Variants in ADARB2 observed in about 807,000 individuals in gnomAD.
ADARB2 encodes adenosine deaminase RNA specific B2 (inactive).
ADARB2 carries 25 observed loss-of-function variants against 62.2 expected under a neutral mutation model. That is an observed-to-expected ratio of 0.40 (90% confidence interval 0.29 to 0.56). The LOEUF is 0.56. ADARB2 is among the 20% of genes least tolerant of loss of function. The pLI is 0.43. For missense variants in ADARB2, 1,071 were observed against 1,077.4 expected, an observed-to-expected ratio of 0.99 and a Z score of 0.08; for synonymous variants, 572 against 500.8, an observed-to-expected ratio of 1.14 and a Z score of -1.90.
intron 1 of ADARB2, among the ~76,000 whole-genome samples, chr10:1,590,930 C>A (rs112892409): frequency 6.6e-6 from 1 of 152,186 alleles, no homozygotes; most frequent in African/African-American, 2.4e-5. Flanking sequence ...GGGAACTGAC[C>A]ACCTGAGGCC....
chr10:1,592,317 T>TCACCCAAGCCACGCTCCATAGGTCTCCTC (rs1833268310), intron 1 of ADARB2, among the ~76,000 whole-genome samples: 1 of 150,688 alleles, frequency 6.6e-6, no homozygotes. Flanking sequence ...GTCACCCAGC[T>TCACCCAAGCCACGCTCCATAGGTCTCCTC]TCCCTCGCCC....
At chr10:1,211,319 A>ATCTG (rs964561354) in intron 7 of ADARB2, among the ~76,000 whole-genome samples, 12 of 151,556 alleles carry the variant, frequency 7.9e-5, no homozygotes, top group East Asian at 3.9e-4. Context: ...ATCTTCATCT[A>ATCTG]TCTGTCATTT....
intron 1 of ADARB2, among the ~76,000 whole-genome samples, chr10:1,428,258 C>A (rs1057064064): frequency 1.3e-5 from 2 of 151,124 alleles, no homozygotes; most frequent in Admixed American, 6.6e-5. Flanking sequence ...TAGGAGTGAG[C>A]CACCACACCT....
At position 1,267,136 on chromosome 10, in the gene ADARB2, T is replaced by TAAAAA. The variant is rs551410020; in HGVS notation, c.1192+3814_1192+3818dup. Among the ~76,000 whole-genome samples the TAAAAA allele has an allele frequency of 5.4e-5, 7 of 129,534 alleles. No homozygotes were observed. In the South Asian group the frequency reaches 1.7e-3, roughly 32 times the overall value. 85.0% of individuals were successfully genotyped at this position (129,534 alleles called of 152,430 possible). A position where few individuals can be genotyped will look rare whatever the true frequency, so the allele number is the denominator to read the frequency against. ...CCTAAACATATTCTTAAATCCAAGT[T>TAAAAA]AAAAAAAAAAAAAAAACCTTTCCCC... On this transcript the variant is annotated intron_variant, in intron 4 of 9. Coordinates refer to ENST00000381312, the MANE Select transcript of ADARB2 (RefSeq NM_018702.4).
intron 1 of ADARB2, among the ~76,000 whole-genome samples, chr10:1,448,729 C>A (rs563767492): frequency 5.9e-5 from 9 of 152,258 alleles, no homozygotes; most frequent in African/African-American, 2.2e-4. Context: ...GAACTCTGTG[C>A]CTTATATGGC....
At chr10:1,672,555 T>A (rs374861251) in intron 1 of ADARB2, among the ~76,000 whole-genome samples, 1 of 151,718 alleles carries the variant, frequency 6.6e-6, no homozygotes, top group Non-Finnish European at 1.5e-5. Flanking sequence ...CTCGCGCAGC[T>A]CCTGCCTCCC....
intron 1 of ADARB2, among the ~76,000 whole-genome samples, chr10:1,617,261 A>G (rs1345834009): frequency 0.034 from 2,553 of 75,348 alleles, no homozygotes; most frequent in African/African-American, 0.054. Context: ...AACTGGCCTC[A>G]GAGGGCTGCA....
chr10:1,418,064 T>C (rs1031118512), intron 1 of ADARB2, among the ~76,000 whole-genome samples: 1 of 152,198 alleles, frequency 6.6e-6, no homozygotes, highest in African/African-American at 2.4e-5. Context: ...GACTTGACTT[T>C]GGAGCAGACG....
At chr10:1,403,407 T>A (rs915684020) in intron 1 of ADARB2, among the ~76,000 whole-genome samples, 2 of 152,222 alleles carry the variant, frequency 1.3e-5, no homozygotes, top group African/African-American at 4.8e-5. Flanking sequence ...GGAGCAAGGC[T>A]AAGCTTGGTC....
At chr10:1,601,744 C>T (rs763186553) in intron 1 of ADARB2, among the ~76,000 whole-genome samples, 19 of 152,314 alleles carry the variant, frequency 1.2e-4, no homozygotes, top group African/African-American at 2.2e-4. Flanking sequence ...TCAGCCGCTG[C>T]GGTCTGTGCT....
intron 6 of ADARB2, among the ~76,000 whole-genome samples, chr10:1,233,320 C>T (rs1490788084): frequency 6.6e-6 from 1 of 152,190 alleles, no homozygotes; most frequent in Non-Finnish European, 1.5e-5. Context: ...TTTTTCCTCC[C>T]CAACGCTGTG....
chr10:1,697,475 G>A (rs1014966831), intron 1 of ADARB2, among the ~76,000 whole-genome samples: 1 of 152,182 alleles, frequency 6.6e-6, no homozygotes, highest in Admixed American at 6.5e-5. Flanking sequence ...ACAAGACGGT[G>A]AGAAGAAACT....
chr10:1,587,855 A>G (rs1833200009), intron 1 of ADARB2, among the ~76,000 whole-genome samples: 1 of 152,084 alleles, frequency 6.6e-6, no homozygotes, highest in African/African-American at 2.4e-5. Context: ...ATGATTTTAT[A>G]AGGGGTTTCC....
rs576219295 is a variant in ADARB2, at chr10:1,505,893, A to C, written c.101-126733T>G. On this transcript the variant is annotated intron_variant, in intron 1 of 9. Transcript: ENST00000381312. ...TGTGAGTGAGTGCATGACATCTCAC[A>C]AAAAAGTAATAAATAATCTTTCAAT... 7.9e-5 allele frequency among the ~76,000 whole-genome samples: 12 copies of C among 152,026 alleles called. No homozygotes were observed. In the South Asian group the frequency reaches 2.3e-3, roughly 29 times the overall value.
At chr10:1,401,595 C>A (rs10903441) in intron 1 of ADARB2, among the ~76,000 whole-genome samples, 1 of 152,044 alleles carries the variant, frequency 6.6e-6, no homozygotes, top group East Asian at 1.9e-4. Context: ...GCTGTGAAGA[C>A]CGCGGTGCAT....
chr10:1,272,882 T>C (rs1022403637), intron 3 of ADARB2, among the ~76,000 whole-genome samples: 28 of 152,208 alleles, frequency 1.8e-4, no homozygotes, highest in African/African-American at 6.8e-4. Context: ...GAGGCAGAGA[T>C]CTGAGACTGA....
intron 1 of ADARB2, among the ~76,000 whole-genome samples, chr10:1,649,581 T>C (rs1007761204): frequency 2.0e-5 from 3 of 152,246 alleles, no homozygotes; most frequent in African/African-American, 4.8e-5. Context: ...TAGGCACATA[T>C]GTGAAATTCT....
chr10:1,375,939 GAC>G lies in ADARB2; in HGVS notation c.187+3133_187+3134del, dbSNP rs1026242174. ...TGCCACACATGCACACACGTGCACAGACACACACCACACACATGCACACACAC... is the reference window on the plus strand; with the variant it reads ...TGCCACACATGCACACACGTGCACAGACACACCACACACATGCACACACAC... On this transcript the variant is annotated intron_variant, in intron 2 of 9. Transcript: ENST00000381312. Among the ~76,000 whole-genome samples the G allele has an allele frequency of 3.8e-4, 49 of 128,376 alleles. 1 individual carries two copies. The highest frequency in any genetic ancestry group is 2.4e-3 in the Admixed American group (31 of 12,812). The allele number at this position is 128,376 out of a possible 152,430, so 84.2% of individuals were successfully genotyped here.
intron 1 of ADARB2, among the ~76,000 whole-genome samples, chr10:1,508,540 G>C (rs1234664497): frequency 6.6e-6 from 1 of 152,198 alleles, no homozygotes; most frequent in East Asian, 1.9e-4. Context: ...AGCACTTCGG[G>C]AGACCAAGGC....
Sources: gnomAD v4.1 joint callset for allele counts (sites outside exome capture counted in the v4.1 genomes callset) on GRCh38, gnomAD v4.1.1 for gene constraint, MANE v1.5 for transcripts, NCBI Gene and HGNC (gene_info 2026-07-23, HGNC 2026-07-21) for gene names.